The following HECTD2 variants were observed in gnomAD, a reference collection of about 807,000 sequenced individuals.
HECTD2 encodes the protein probable E3 ubiquitin-protein ligase HECTD2.
HECTD2 carries 35 observed loss-of-function variants against 103.2 expected under a neutral mutation model. That is an observed-to-expected ratio of 0.34 (90% confidence interval 0.26 to 0.45). The LOEUF is 0.45. Ranked by LOEUF, HECTD2 falls within the 20% of genes least tolerant of loss-of-function variation. The probability of loss-of-function intolerance (pLI) is 1.00; values close to 1 mark genes in which losing one functional copy is unlikely to be tolerated. For missense variants in HECTD2, 596 were observed against 937.4 expected (o/e 0.64, Z 4.76); for synonymous variants, 281 against 329.9 (o/e 0.85, Z 1.61).
Position 91,454,223 on chromosome 10 carries a change from G to A in HECTD2, c.269-6204G>A, listed in dbSNP as rs1026859388. 3.3e-5 allele frequency among the ~76,000 whole-genome samples: 5 copies of A among 152,208 alleles called. No homozygotes were observed. In the East Asian group the frequency reaches 7.7e-4, roughly 24 times the overall value. On this transcript the variant is annotated intron_variant, in intron 2 of 20. Coordinates refer to ENST00000298068, the MANE Select transcript of HECTD2 (RefSeq NM_182765.6). ...CGCTCTACTCAACAACAGAATACAC[G>A]TGGCATTTCAAGTGCCAGTGGGACA...
At chr10:91,474,348 A>G (rs1242945775) in intron 5 of HECTD2, among the ~76,000 whole-genome samples, 1 of 152,210 alleles carries the variant, frequency 6.6e-6, no homozygotes, top group East Asian at 1.9e-4. Context: ...ATCACTTTAG[A>G]TTTTTAAAAA....
chr10:91,454,904 C>G (rs1032583811), intron 2 of HECTD2, among the ~76,000 whole-genome samples: 2 of 151,880 alleles, frequency 1.3e-5, no homozygotes, highest in Admixed American at 1.3e-4. Flanking sequence ...TGAACTCATC[C>G]TTTTTTATGG....
chr10:91,426,367 T>C (rs1843558258), intron 2 of HECTD2, among the ~76,000 whole-genome samples: 2 of 151,952 alleles, frequency 1.3e-5, no homozygotes, highest in South Asian at 4.1e-4. Flanking sequence ...AACCTAGAAA[T>C]ATTTAAGGAC....
In HECTD2 at chr10:91,492,631, CATTTTAA is replaced by C. The variant is rs530871506; in HGVS notation, c.1432+149_1432+155del. ...ATAATTGTTTAAGGACTGTTATTTA[CATTTTAA>C]AAACTTGTTTGACCGAATTGTTGAT... is the stretch of plus-strand genomic sequence containing the variant. On this transcript the variant is annotated intron_variant, in intron 13 of 20. Transcript: ENST00000298068. The C allele has an allele frequency of 9.3e-5, 62 of 666,884 alleles. No individual in the cohort carries two copies. In the African/African-American group the frequency reaches 1.0e-3, roughly 11 times the overall value. 41.3% of individuals were successfully genotyped at this position (666,884 alleles called of 1,614,324 possible). A position where few individuals can be genotyped will look rare whatever the true frequency, so the allele number is the denominator to read the frequency against.
rs1286749234 is a variant in HECTD2 at position 91,462,108 on chromosome 10, C to T, written c.524C>T (p.Ala175Val). 1.3e-6 allele frequency: 2 copies of T among 1,589,258 alleles called. No individual in the cohort carries two copies. Among genetic ancestry groups the T allele is most frequent in the Non-Finnish European group, 1.7e-6 (2 of 1,161,558 alleles). ...LNAAFKKDATASFNTIEDSGI... is the reference protein window; with the variant it reads ...LNAAFKKDATVSFNTIEDSGI... Reference sequence around the variant, plus strand: ...TTGAATTTGCAGAAAGATGCCACTGCCTCATTTAACACCATTGAAGACTCT... The same window carrying T: ...TTGAATTTGCAGAAAGATGCCACTGTCTCATTTAACACCATTGAAGACTCT... The change falls in exon 5 of 21, where the codon GCC (alanine) becomes GTC (valine). Residue 175 changes from alanine (A) to valine (V), a missense_variant. Coordinates refer to ENST00000298068, the MANE Select transcript of HECTD2 (RefSeq NM_182765.6).
At chr10:91,484,270 A>C in intron 8 of HECTD2, 1 of 947,602 alleles carries the variant, frequency 1.1e-6, no homozygotes, top group Non-Finnish European at 1.5e-6. Context: ...GAATATTGAA[A>C]GTCTTTAAAA....
intron 19 of HECTD2, among the ~76,000 whole-genome samples, chr10:91,500,871 C>T (rs1259284582): frequency 6.6e-6 from 1 of 152,052 alleles, no homozygotes; most frequent in Non-Finnish European, 1.5e-5. Context: ...GACTTTGCTC[C>T]TAGAATTTCA....
intron 5 of HECTD2, among the ~76,000 whole-genome samples, chr10:91,476,634 C>A (rs761202944): frequency 5.3e-5 from 8 of 152,304 alleles, no homozygotes; most frequent in Admixed American, 2.0e-4. Context: ...GGGACTTGGC[C>A]AGGAAGGCCA....
intron 11 of HECTD2, chr10:91,489,732 C>T (rs1189957333): frequency 6.6e-6 from 1 of 152,120 alleles, no homozygotes; most frequent in Non-Finnish European, 1.5e-5. Flanking sequence ...AAATAAAAGG[C>T]TGTTAATAGC....
chr10:91,512,281 C>CCTG lies in HECTD2; in HGVS notation c.2231_2233dup (p.Cys744dup). On this transcript the variant is annotated inframe_insertion, in exon 21 of 21. Transcript: ENST00000298068. ...TTCCCTAGCTTACCTGTGGCCCATA[C>CCTG]CTGCTTCAATCAACTTTGCCTTCCC... 6.2e-7 allele frequency: 1 copy of CCTG among 1,613,234 alleles called. No homozygotes were observed. The highest frequency in any genetic ancestry group is 8.5e-7 in the Non-Finnish European group (1 of 1,179,602).
intron 5 of HECTD2, among the ~76,000 whole-genome samples, chr10:91,465,046 AAC>A (rs1383502994): frequency 1.1e-4 from 16 of 152,236 alleles, no homozygotes; most frequent in Non-Finnish European, 2.4e-4. Flanking sequence ...TAACTAAAAA[AAC>A]ACATGCAAAG....
intron 2 of HECTD2, among the ~76,000 whole-genome samples, chr10:91,455,735 G>C (rs1461936752): frequency 2.0e-5 from 3 of 152,250 alleles, no homozygotes; most frequent in African/African-American, 7.2e-5. Context: ...AATCCACCTT[G>C]AATTAATTTT....
intron 7 of HECTD2, 46 bp downstream of exon 7, chr10:91,481,185 A>G (rs1846075359): frequency 2.1e-6 from 2 of 948,968 alleles, no homozygotes; most frequent in Non-Finnish European, 3.3e-6. Context: ...TCAGATCTCA[A>G]TCCCTACATG....
intron 2 of HECTD2, among the ~76,000 whole-genome samples, chr10:91,427,165 A>G (rs2133042859): frequency 6.6e-6 from 1 of 151,278 alleles, no homozygotes; most frequent in Middle Eastern, 3.4e-3. Context: ...CCATGTCCCT[A>G]CAAAGGACAT....
At chr10:91,410,212 A>C (rs911765371), upstream of HECTD2, 1 of 151,228 alleles carries the variant, frequency 6.6e-6, no homozygotes. Context: ...AGAGCAAGAA[A>C]CCTGTGGGAC....
At chr10:91,441,846 T>G (rs1462034951) in intron 2 of HECTD2, among the ~76,000 whole-genome samples, 1 of 144,092 alleles carries the variant, frequency 6.9e-6, no homozygotes, top group Non-Finnish European at 1.5e-5. Flanking sequence ...CTTTGTTGGT[T>G]TAAAGTCTGT....
intron 2 of HECTD2, among the ~76,000 whole-genome samples, chr10:91,456,513 C>A (rs1224116719): frequency 6.6e-6 from 1 of 152,172 alleles, no homozygotes; most frequent in Non-Finnish European, 1.5e-5. Flanking sequence ...ACAATCATGT[C>A]ATCTGCAAAC....
intron 5 of HECTD2, among the ~76,000 whole-genome samples, chr10:91,468,537 T>A (rs1845610922): frequency 6.6e-6 from 1 of 152,064 alleles, no homozygotes; most frequent in Admixed American, 6.6e-5. Flanking sequence ...CCACACTAGT[T>A]CCCAGCAATG....
In HECTD2 at chr10:91,494,303, A is replaced by G. The variant is rs74149239; in HGVS notation, c.1521+795A>G. ...GGAAAATATACAATGTATTTTTCCC[A>G]GAGAGGATAGAGATTTAAAAAATGG... On this transcript the variant is annotated intron_variant, in intron 14 of 20. Transcript: ENST00000298068. Among the ~76,000 whole-genome samples the G allele has an allele frequency of 6.0e-3, 912 of 152,174 alleles. 4 individuals carry two copies. Among genetic ancestry groups the G allele is most frequent in the African/African-American group, 0.021 (876 of 41,556 alleles).
Sources: gnomAD v4.1 joint callset for allele counts (sites outside exome capture counted in the v4.1 genomes callset) on GRCh38, gnomAD v4.1.1 for gene constraint, MANE v1.5 for transcripts, NCBI Gene and HGNC (gene_info 2026-07-23, HGNC 2026-07-21) for gene names.